ELMO1: variants seen among roughly 807,000 people sequenced by gnomAD.
ELMO1 encodes the protein engulfment and cell motility 1, also known as engulfment and cell motility protein 1.
A neutral mutation model predicts 98.9 loss-of-function variants in ELMO1; 26 were observed. That is an observed-to-expected ratio of 0.26 (90% CI 0.19 to 0.36). The LOEUF (loss-of-function observed/expected upper bound fraction) is 0.36, where lower values mean the gene tolerates loss of function less well. ELMO1 is among the 10% of genes least tolerant of loss of function. The pLI, the probability that ELMO1 is intolerant of heterozygous loss-of-function variation, is 1.00. For missense variants in ELMO1, 627 were observed against 935.2 expected (o/e 0.67, Z 4.30); for synonymous variants, 346 against 346.0 (o/e 1.00, Z 0.00).
At chr7:36,958,195 TC>T (rs1056482176) in intron 16 of ELMO1, among the ~76,000 whole-genome samples, 4 of 152,190 alleles carry the variant, frequency 2.6e-5, no homozygotes, top group African/African-American at 9.6e-5. Flanking sequence ...CATGAATACA[TC>T]CCCAGTACCT....
intron 2 of ELMO1, among the ~76,000 whole-genome samples, chr7:37,328,375 C>A (rs1463613341): frequency 2.3e-5 from 2 of 85,928 alleles, no homozygotes; most frequent in South Asian, 4.1e-4. Context: ...CATAGGGAGA[C>A]CCTGCCACAA....
At chr7:37,170,991 A>T (rs781260858) in intron 13 of ELMO1, among the ~76,000 whole-genome samples, 2 of 152,152 alleles carry the variant, frequency 1.3e-5, no homozygotes, top group Non-Finnish European at 2.9e-5. Flanking sequence ...TTTTAAAACT[A>T]TTTCACCAAT....
chr7:37,369,083 T>A (rs74569612), intron 1 of ELMO1, among the ~76,000 whole-genome samples: 2,506 of 152,162 alleles, frequency 0.016, 67 homozygotes, highest in African/African-American at 0.058. Flanking sequence ...CGGATAAACA[T>A]ATAAAGTTTA....
intron 1 of ELMO1, among the ~76,000 whole-genome samples, chr7:37,398,535 A>G (rs901396639): frequency 6.6e-6 from 1 of 152,204 alleles, no homozygotes; most frequent in Admixed American, 6.5e-5. Flanking sequence ...TTACTTCCTG[A>G]TGTTAGATTC....
At chr7:37,312,270 G>T (rs1173799761) in intron 4 of ELMO1, among the ~76,000 whole-genome samples, 3 of 152,168 alleles carry the variant, frequency 2.0e-5, no homozygotes, top group Admixed American at 2.0e-4. Context: ...TGTATTTTTA[G>T]TAGAGACGTG....
At chr7:37,009,037 C>A (rs1793359326) in intron 16 of ELMO1, among the ~76,000 whole-genome samples, 1 of 152,206 alleles carries the variant, frequency 6.6e-6, no homozygotes, top group Non-Finnish European at 1.5e-5. Flanking sequence ...CAGACATATA[C>A]TCTAAAGTGT....
At chr7:36,864,509 A>T (rs931629247) in intron 20 of ELMO1, among the ~76,000 whole-genome samples, 1 of 152,142 alleles carries the variant, frequency 6.6e-6, no homozygotes, top group Non-Finnish European at 1.5e-5. Context: ...ATCGCTTGTA[A>T]TGGGTTTTAT....
chr7:37,437,047 G>A (rs1440156263), intron 1 of ELMO1, among the ~76,000 whole-genome samples: 1 of 152,086 alleles, frequency 6.6e-6, no homozygotes, highest in Non-Finnish European at 1.5e-5. Context: ...GGTTCCAAAC[G>A]ATTGAAAAAG....
intron 13 of ELMO1, among the ~76,000 whole-genome samples, chr7:37,157,791 T>C (rs1409327734): frequency 6.6e-6 from 1 of 152,016 alleles, no homozygotes; most frequent in African/African-American, 2.4e-5. Context: ...CTTCACAGAA[T>C]TGGAAAAAAC....
chr7:37,406,029 G>A (rs1313492764), intron 1 of ELMO1, among the ~76,000 whole-genome samples: 1 of 152,170 alleles, frequency 6.6e-6, no homozygotes, highest in Non-Finnish European at 1.5e-5. Flanking sequence ...AAGCTGCAGA[G>A]CTGAGATACC....
At chr7:37,447,552 C>A (rs1193245596) in intron 1 of ELMO1, among the ~76,000 whole-genome samples, 30 of 151,870 alleles carry the variant, frequency 2.0e-4, no homozygotes, top group Admixed American at 2.0e-3. Context: ...TCAAATGGCC[C>A]CCTAGGCGGG....
At chr7:37,000,936 T>TACACACACACACACAC (rs978102382) in intron 16 of ELMO1, among the ~76,000 whole-genome samples, 1 of 126,252 alleles carries the variant, frequency 7.9e-6, no homozygotes, top group African/African-American at 3.9e-5. Flanking sequence ...TGTATATGTG[T>TACACACACACACACAC]ATACACACAC....
chr7:36,984,768 A>T (rs1791373055), intron 16 of ELMO1: 3 of 392,194 alleles, frequency 7.6e-6, no homozygotes, highest in Non-Finnish European at 7.0e-6. Flanking sequence ...TGACACTTTC[A>T]GGCACATAAG....
chr7:37,291,630 G>A (rs1405603379), intron 4 of ELMO1, among the ~76,000 whole-genome samples: 5 of 152,154 alleles, frequency 3.3e-5, no homozygotes, highest in Non-Finnish European at 2.9e-5. Context: ...TTAAAGACAC[G>A]TAGGCCAGGC....
At chr7:37,308,038 G>A (rs1798703641) in intron 4 of ELMO1, among the ~76,000 whole-genome samples, 1 of 152,136 alleles carries the variant, frequency 6.6e-6, no homozygotes, top group African/African-American at 2.4e-5. Context: ...GCTTGAGCCT[G>A]GGAGATGGAG....
intron 13 of ELMO1, among the ~76,000 whole-genome samples, chr7:37,135,511 G>T (rs1787209906): frequency 6.6e-6 from 1 of 152,188 alleles, no homozygotes; most frequent in Non-Finnish European, 1.5e-5. Flanking sequence ...GCAGGTGCAG[G>T]TATCAATGGC....
At chr7:36,862,874 A>T (rs1233240596) in intron 20 of ELMO1, among the ~76,000 whole-genome samples, 1 of 152,208 alleles carries the variant, frequency 6.6e-6, no homozygotes, top group African/African-American at 2.4e-5. Context: ...TATCTGTTAG[A>T]GGGTTTGTCT....
chr7:37,414,573 C>A (rs144212625), intron 1 of ELMO1, among the ~76,000 whole-genome samples: 239 of 152,354 alleles, frequency 1.6e-3, no homozygotes, highest in African/African-American at 5.5e-3. Context: ...TTGGGGGAAT[C>A]TGCCCTGTGG....
At chr7:37,305,871 A>T (rs973707003) in intron 4 of ELMO1, among the ~76,000 whole-genome samples, 3 of 152,220 alleles carry the variant, frequency 2.0e-5, no homozygotes, top group Admixed American at 2.0e-4. Flanking sequence ...AGTTCAAGAC[A>T]ACGATAAAGC....
Sources: allele counts gnomAD v4.1 joint callset (sites outside exome capture counted in the v4.1 genomes callset), GRCh38; gene constraint gnomAD v4.1.1; transcripts MANE v1.5; gene names NCBI Gene and HGNC (gene_info 2026-07-23, HGNC 2026-07-21).